Variants in SOX5 observed in about 807,000 individuals in gnomAD.
SOX5 encodes SRY-box transcription factor 5, also known as transcription factor SOX-5.
Under a neutral mutation model 92.0 loss-of-function variants are expected in SOX5, and 9 were observed. That is an observed-to-expected ratio of 0.10 (90% CI 0.06 to 0.17). The LOEUF (loss-of-function observed/expected upper bound fraction) is 0.17, where lower values mean the gene tolerates loss of function less well. SOX5 is among the 10% of genes least tolerant of loss of function. The pLI, the probability that SOX5 is intolerant of heterozygous loss-of-function variation, is 1.00. For missense variants in SOX5, 642 were observed against 944.5 expected, an observed-to-expected ratio of 0.68 and a Z score of 4.20; for synonymous variants, 344 against 336.3, an observed-to-expected ratio of 1.02 and a Z score of -0.25.
intron 2 of SOX5, among the ~76,000 whole-genome samples, chr12:24,281,548 G>T (rs978179157): frequency 6.6e-6 from 1 of 152,206 alleles, no homozygotes; most frequent in Non-Finnish European, 1.5e-5. Context: ...ACATAAATAT[G>T]CATTAGCAAT....
intron 2 of SOX5, among the ~76,000 whole-genome samples, chr12:24,302,942 CA>C (rs201711022): frequency 4.4e-4 from 66 of 148,716 alleles, no homozygotes; most frequent in Middle Eastern, 3.4e-3. Flanking sequence ...TAACAAAAAC[CA>C]AAAAAAAACC....
intron 1 of SOX5, among the ~76,000 whole-genome samples, chr12:24,521,763 G>A (rs543882750): frequency 7.5e-4 from 114 of 152,090 alleles, no homozygotes; most frequent in African/African-American, 2.4e-3. Context: ...TGAGACAAAC[G>A]AAAATGAAAA....
rs78651187 is a variant in SOX5, at chr12:24,414,642, A to G, written c.-250-46003T>C. ...CACATGTGATGACGGACAGGAAAAG[A>G]GAAAGGAAGTGAAGGTGCAAAACAC... On this transcript the variant is annotated intron_variant, in intron 1 of 4. Coordinates refer to the SOX5 transcript ENST00000446891. Among the ~76,000 whole-genome samples the G allele has an allele frequency of 4.0e-3, 607 of 152,338 alleles. 16 individuals are homozygous for G. The East Asian group carries it at 0.052, about 13-fold the overall frequency.
Position 23,536,557 on chromosome 12 carries a change from C to T in SOX5, c.1884G>A (p.Arg628=), listed in dbSNP as rs1324947938. 2 of 1,614,016 alleles carry T rather than the reference C, an allele frequency of 1.2e-6. No homozygotes were observed. The highest frequency in any genetic ancestry group is 2.7e-5 in the African/African-American group (2 of 74,922). The stretch of plus-strand genomic sequence containing the variant: ...CATCCACCAGGCAGGTGCGCTTTGG[C>T]CTGGGCTTGTACTTATAGTCAGGGT... ...EKYPDYKYKP[R]PKRTCLVDGK... is the part of the protein sequence containing the mutation. Residue 628 remains arginine, a synonymous_variant, in exon 14 of 15, where the codon AGG becomes AGA. Coordinates refer to ENST00000451604, the MANE Select transcript of SOX5 (RefSeq NM_006940.6).
At chr12:24,215,828 T>G (rs1390883538) in intron 3 of SOX5, among the ~76,000 whole-genome samples, 1 of 148,544 alleles carries the variant, frequency 6.7e-6, no homozygotes, top group Admixed American at 6.7e-5. Context: ...AAAAAGGGGA[T>G]GTATCCTTCC....
At chr12:24,424,807 T>TGGG (rs139281287) in intron 1 of SOX5, among the ~76,000 whole-genome samples, 1,985 of 130,778 alleles carry the variant, frequency 0.015, 57 homozygotes, top group African/African-American at 0.025. Context: ...AGTTTTTTTT[T>TGGG]TGGGGGGGGG....
At chr12:24,031,857 T>C (rs575375264) in intron 4 of SOX5, among the ~76,000 whole-genome samples, 1 of 151,830 alleles carries the variant, frequency 6.6e-6, no homozygotes, top group Non-Finnish European at 1.5e-5. Context: ...TAAAGTTCTA[T>C]GGTCCCAAAT....
chr12:23,619,704 A>C (rs1284978752), intron 8 of SOX5, among the ~76,000 whole-genome samples: 1 of 152,118 alleles, frequency 6.6e-6, no homozygotes, highest in East Asian at 1.9e-4. Context: ...TCCAACAGGA[A>C]ATTTTTCCTG....
intron 3 of SOX5, among the ~76,000 whole-genome samples, chr12:23,811,581 C>T (rs540345497): frequency 3.7e-4 from 57 of 152,164 alleles, no homozygotes; most frequent in African/African-American, 1.3e-3. Flanking sequence ...GACAATAATG[C>T]TTTCCTTTTT....
intron 4 of SOX5, among the ~76,000 whole-genome samples, chr12:24,056,245 G>A (rs867035032): frequency 2.0e-5 from 3 of 152,034 alleles, no homozygotes; most frequent in South Asian, 2.1e-4. Flanking sequence ...GTCCAAGACC[G>A]AGAGACCCAC....
At chr12:23,664,322 C>CATATATATATATATATAT (rs34331621) in intron 7 of SOX5, among the ~76,000 whole-genome samples, 38 of 150,080 alleles carry the variant, frequency 2.5e-4, no homozygotes, top group African/African-American at 8.8e-4. Flanking sequence ...AATTCATTAA[C>CATATATATATATATATAT]ATATATATAT....
intron 8 of SOX5, among the ~76,000 whole-genome samples, chr12:23,625,931 C>T (rs1264375026): frequency 6.6e-6 from 1 of 152,076 alleles, no homozygotes; most frequent in Non-Finnish European, 1.5e-5. Flanking sequence ...CTAAAGAAGA[C>T]AGTCCCTCCA....
At chr12:24,321,926 G>A (rs1950242823) in intron 2 of SOX5, among the ~76,000 whole-genome samples, 1 of 152,064 alleles carries the variant, frequency 6.6e-6, no homozygotes. Context: ...TATTATGTTG[G>A]AAATGGCTTA....
At chr12:24,190,007 T>C (rs1269900569) in intron 4 of SOX5, among the ~76,000 whole-genome samples, 2 of 152,184 alleles carry the variant, frequency 1.3e-5, no homozygotes, top group Non-Finnish European at 2.9e-5. Flanking sequence ...AATGATATCA[T>C]TACCTTGCAA....
chr12:24,547,280 T>C (rs970524286), intron 1 of SOX5, among the ~76,000 whole-genome samples: 1 of 149,530 alleles, frequency 6.7e-6, no homozygotes, highest in Non-Finnish European at 1.5e-5. Context: ...CAAGCTCCGC[T>C]TCCCGGGTTC....
At chr12:24,025,601 C>T (rs2136752222) in intron 4 of SOX5, among the ~76,000 whole-genome samples, 1 of 152,104 alleles carries the variant, frequency 6.6e-6, no homozygotes, top group East Asian at 1.9e-4. Context: ...CTCTCTACCC[C>T]TATCTAGTGG....
chr12:24,317,985 C>T (rs141823989), intron 2 of SOX5, among the ~76,000 whole-genome samples: 1,605 of 152,056 alleles, frequency 0.011, 16 homozygotes, highest in African/African-American at 0.021. Flanking sequence ...CTGAGGTGGG[C>T]GGATCACCTG....
At chr12:24,047,130 G>C (rs1049040512) in intron 4 of SOX5, among the ~76,000 whole-genome samples, 1 of 152,166 alleles carries the variant, frequency 6.6e-6, no homozygotes, top group African/African-American at 2.4e-5. Context: ...AGAGACAGTA[G>C]GGTGACAATC....
At chr12:24,133,149 A>G (rs1419458948) in intron 4 of SOX5, among the ~76,000 whole-genome samples, 1 of 152,216 alleles carries the variant, frequency 6.6e-6, no homozygotes, top group East Asian at 1.9e-4. Flanking sequence ...AATAAAAAGG[A>G]AAATCGTTGC....
Sources: allele counts gnomAD v4.1 joint callset (sites outside exome capture counted in the v4.1 genomes callset), GRCh38; gene constraint gnomAD v4.1.1; transcripts MANE v1.5; gene names NCBI Gene and HGNC (gene_info 2026-07-23, HGNC 2026-07-21).